The following PADI1 variants were observed in gnomAD, a reference collection of about 807,000 sequenced individuals.
PADI1 encodes peptidyl arginine deiminase 1, also known as protein-arginine deiminase type-1.
A neutral mutation model predicts 74.8 loss-of-function variants in PADI1; 65 were observed. The ratio of observed to expected loss-of-function variants is 0.87; its 90% CI spans 0.71 to 1.07. PADI1 has a LOEUF of 1.07. Among genes scored for constraint, PADI1 ranks in the 50% least tolerant of loss-of-function variants. The pLI is 0.00. For synonymous variants in PADI1, 371 were observed against 336.2 expected (o/e 1.10, Z -1.13); for missense variants, 943 against 854.0 (o/e 1.10, Z -1.30).
At chr1:17,225,783 G>C in intron 4 of PADI1, 28 bp from the exon 5 acceptor site, 1 of 1,581,386 alleles carries the variant, frequency 6.3e-7, no homozygotes, top group Non-Finnish European at 8.7e-7. Context: ...GGGTCCCACT[G>C]ATCCCAAGGC....
Position 17,223,821 on chromosome 1 carries a change from T to G in PADI1, c.346+128T>G. 9 of 737,444 alleles carry G rather than the reference T, an allele frequency of 1.2e-5. No individual in the cohort carries two copies. In the South Asian group the frequency reaches 1.3e-4, roughly 11 times the overall value. 45.7% of individuals were successfully genotyped at this position (737,444 alleles called of 1,614,324 possible). A position where few individuals can be genotyped will look rare whatever the true frequency, so the allele number is the denominator to read the frequency against. ...TTCCTCCATCACTGAGGGGCTTGGA[T>G]TCCTCGGGACCTTCTGTCCACTCTG... On this transcript the variant is annotated intron_variant, in intron 3 of 15. Transcript: ENST00000375471.
intron 14 of PADI1, 115 bp downstream of exon 14, chr1:17,239,898 G>T: frequency 3.7e-6 from 3 of 801,950 alleles, no homozygotes; most frequent in Non-Finnish European, 6.3e-6. Context: ...GGTCCTGGGG[G>T]CTGCTGGGGC....
At chr1:17,208,248 C>A (rs537885194) in intron 1 of PADI1, among the ~76,000 whole-genome samples, 1 of 152,290 alleles carries the variant, frequency 6.6e-6, no homozygotes, top group East Asian at 1.9e-4. Context: ...TGATTCATTC[C>A]CCCAGGGGCT....
chr1:17,223,537 G>A (rs2072220605), intron 2 of PADI1, 84 bp from the exon 3 acceptor site: 4 of 1,109,790 alleles, frequency 3.6e-6, no homozygotes, highest in Non-Finnish European at 4.1e-6. Flanking sequence ...TCTAAGTAGG[G>A]CTGTCAGGAT....
intron 14 of PADI1, 31 bp downstream of exon 14, chr1:17,239,814 G>T: frequency 1.3e-6 from 2 of 1,548,676 alleles, no homozygotes; most frequent in Non-Finnish European, 1.8e-6. Flanking sequence ...CTGCTCTAAG[G>T]GGTCCTTTCC....
At chr1:17,236,606 T>G (rs2072647085) in intron 11 of PADI1, among the ~76,000 whole-genome samples, 1 of 151,950 alleles carries the variant, frequency 6.6e-6, no homozygotes, top group Admixed American at 6.6e-5. Context: ...TTACAAAAAT[T>G]AGCCGTGCGT....
At chr1:17,242,165 G>A (rs2072790843) in intron 15 of PADI1, among the ~76,000 whole-genome samples, 2 of 152,180 alleles carry the variant, frequency 1.3e-5, no homozygotes, top group African/African-American at 4.8e-5. Context: ...AGGATGCTTA[G>A]CGGCCTCCCT....
In PADI1 at chr1:17,240,770, C is replaced by G; in HGVS notation, c.1758+10C>G. ...CTTCTTCCCAGACATGGTGAGAGCC[C>G]TTGTGCAGGGTCCTGCTGGGGGGTC... is the stretch of plus-strand genomic sequence containing the variant. On this transcript the variant is annotated intron_variant, in intron 15 of 15. Transcript: ENST00000375471. 13 of 1,612,930 alleles carry G rather than the reference C, an allele frequency of 8.1e-6. No homozygotes were observed. The highest frequency in any genetic ancestry group is 1.1e-5 in the Non-Finnish European group (13 of 1,179,312).
chr1:17,244,175 G>T lies in PADI1; in HGVS notation c.1924G>T (p.Glu642Ter). ...DYLSYHELQG[E>*]IHCGTNVRRK... Reference sequence around the variant, plus strand: ...CTTGTCCTACCACGAGCTGCAGGGGGAGATCCACTGTGGCACCAACGTGCG... The same window carrying T: ...CTTGTCCTACCACGAGCTGCAGGGGTAGATCCACTGTGGCACCAACGTGCG... Residue 642 changes from glutamate (E) to a stop codon, truncating the protein, a stop_gained, in exon 16 of 16, where the codon GAG (glutamate) becomes TAG (stop). Coordinates refer to ENST00000375471, the MANE Select transcript of PADI1 (RefSeq NM_013358.3). LOFTEE classifies it high-confidence loss of function. 6.2e-7 allele frequency: 1 copy of T among 1,614,204 alleles called. No homozygotes were observed. Among genetic ancestry groups the T allele is most frequent in the Non-Finnish European group, 8.5e-7 (1 of 1,180,030 alleles).
intron 6 of PADI1, 139 bp from the exon 7 acceptor site, chr1:17,228,486 G>T: frequency 1.3e-6 from 1 of 783,710 alleles, no homozygotes; most frequent in Non-Finnish European, 2.2e-6. Flanking sequence ...ATTGAGCTAA[G>T]GCCATGCAGC....
intron 1 of PADI1, among the ~76,000 whole-genome samples, chr1:17,206,588 A>G (rs566792899): frequency 6.6e-6 from 1 of 152,156 alleles, no homozygotes; most frequent in Non-Finnish European, 1.5e-5. Flanking sequence ...AATTTCAGAT[A>G]AAAAACAAAA....
chr1:17,219,413 C>T (rs545419514), intron 1 of PADI1, among the ~76,000 whole-genome samples: 58 of 152,122 alleles, frequency 3.8e-4, no homozygotes, highest in Non-Finnish European at 6.2e-4. Context: ...TATTGGGAAG[C>T]GGTGTCCGAG....
At chr1:17,208,809 G>A (rs756788855) in intron 1 of PADI1, among the ~76,000 whole-genome samples, 6 of 152,220 alleles carry the variant, frequency 3.9e-5, no homozygotes, top group Admixed American at 1.3e-4. Context: ...ATCCATCTGC[G>A]GTCCTGTGTG....
At position 17,206,715 on chromosome 1, in the gene PADI1, C is replaced by A. The variant is rs542879926; in HGVS notation, c.92+1406C>A. On this transcript the variant is annotated intron_variant, in intron 1 of 15. Coordinates refer to ENST00000375471, the MANE Select transcript of PADI1 (RefSeq NM_013358.3). Reference sequence around the variant, plus strand: ...TTTTTTTTTTTTTTTGAGATGGAGTCTCGCTCTGTCACCCAGGCTGGAGTG... The same window carrying A: ...TTTTTTTTTTTTTTTGAGATGGAGTATCGCTCTGTCACCCAGGCTGGAGTG... Among the ~76,000 whole-genome samples, 3 of 112,996 alleles carry A rather than the reference C, an allele frequency of 2.7e-5. No homozygotes were observed. The South Asian group carries it at 9.2e-4, about 35-fold the overall frequency. The allele number at this position is 112,996 out of a possible 152,430, so 74.1% of individuals were successfully genotyped here.
chr1:17,238,678 A>C lies in PADI1; in HGVS notation c.1521A>C (p.Glu507Asp), dbSNP rs750401071. The change falls in exon 13 of 16, where the codon GAA becomes GAC. Residue 507 changes from glutamate (E) to aspartate (D), a missense_variant. Glu to Asp is a conservative substitution (Grantham distance 45, BLOSUM62 2). Transcript: ENST00000375471. ...ACLKLFQEKK[E>D]EGYGEAAQFD... ...TCAAACTCTTCCAAGAGAAGAAAGA[A>C]GAGGGTTATGGGGAGGCAGCCCAGT... 4.5e-6 allele frequency: 7 copies of C among 1,553,778 alleles called. No homozygotes were observed. In the Admixed American group the frequency reaches 1.1e-4, roughly 24 times the overall value.
chr1:17,211,232 C>T (rs1462911749), intron 1 of PADI1, among the ~76,000 whole-genome samples: 20 of 149,736 alleles, frequency 1.3e-4, no homozygotes, highest in South Asian at 1.1e-3. Context: ...TTTTTTGAGA[C>T]GGAGTCTTGC....
chr1:17,232,199 G>T (rs2072508231), intron 10 of PADI1, among the ~76,000 whole-genome samples: 1 of 151,832 alleles, frequency 6.6e-6, no homozygotes. Context: ...ACCCACCTCG[G>T]TCTCCCAAAG....
chr1:17,205,217 G>A lies in PADI1; in HGVS notation c.-1G>A, dbSNP rs1242821584. 2 of 1,613,748 alleles carry A rather than the reference G, an allele frequency of 1.2e-6. No individual in the cohort carries two copies. Among genetic ancestry groups the A allele is most frequent in the Non-Finnish European group, 1.7e-6 (2 of 1,179,714 alleles). On this transcript the variant is annotated 5_prime_UTR_variant, in exon 1 of 16. Coordinates refer to ENST00000375471, the MANE Select transcript of PADI1 (RefSeq NM_013358.3). ...TAGGAGGCTGGGAGCCAGGTGACAG[G>A]ATGGCCCCAAAGAGAGTTGTGCAGC... is the stretch of plus-strand genomic sequence containing the variant.
intron 1 of PADI1, among the ~76,000 whole-genome samples, chr1:17,218,360 C>T (rs1330721557): frequency 6.6e-6 from 1 of 152,166 alleles, no homozygotes; most frequent in East Asian, 1.9e-4. Flanking sequence ...AACCCCCCCA[C>T]TCCAGAGAGC....
Sources: allele counts gnomAD v4.1 joint callset (sites outside exome capture counted in the v4.1 genomes callset), GRCh38; gene constraint gnomAD v4.1.1; transcripts MANE v1.5; gene names NCBI Gene and HGNC (gene_info 2026-07-23, HGNC 2026-07-21).